ERBB4: variants seen among roughly 807,000 people sequenced by gnomAD.
ERBB4 encodes the protein receptor tyrosine-protein kinase erbB-4.
ERBB4 carries 42 observed loss-of-function variants against 158.0 expected under a neutral mutation model. That is an observed-to-expected ratio of 0.27 (90% CI 0.21 to 0.34). The LOEUF (loss-of-function observed/expected upper bound fraction) is 0.34, where lower values mean the gene tolerates loss of function less well. ERBB4 is among the 10% of genes least tolerant of loss of function. The pLI is 1.00. For missense variants in ERBB4, 1,333 were observed against 1,624.1 expected, an observed-to-expected ratio of 0.82 and a Z score of 3.08; for synonymous variants, 583 against 558.7, an observed-to-expected ratio of 1.04 and a Z score of -0.61.
At chr2:212,425,475 G>T (rs897962507) in intron 1 of ERBB4, among the ~76,000 whole-genome samples, 4 of 142,622 alleles carry the variant, frequency 2.8e-5, no homozygotes, top group Admixed American at 7.0e-5. Context: ...CAAAGTAATT[G>T]TATATTTCTC....
intron 1 of ERBB4, among the ~76,000 whole-genome samples, chr2:212,507,115 T>C (rs1414517502): frequency 1.3e-5 from 2 of 152,024 alleles, no homozygotes; most frequent in African/African-American, 4.8e-5. Context: ...CTGTGCTCTA[T>C]ATGGAACAAC....
At chr2:211,612,799 T>G (rs998901394) in intron 19 of ERBB4, among the ~76,000 whole-genome samples, 3 of 152,094 alleles carry the variant, frequency 2.0e-5, no homozygotes, top group Admixed American at 2.0e-4. Flanking sequence ...GGGCTGAGAT[T>G]AAGATGACGA....
chr2:211,788,225 A>G, intron 3 of ERBB4, 66 bp from the exon 4 acceptor site: 1 of 1,207,358 alleles, frequency 8.3e-7, no homozygotes, highest in Non-Finnish European at 1.2e-6. Flanking sequence ...GTAATCAACA[A>G]AAGTGATTTG....
At chr2:211,753,332 AC>A (rs2075192120) in intron 4 of ERBB4, among the ~76,000 whole-genome samples, 1 of 151,922 alleles carries the variant, frequency 6.6e-6, no homozygotes, top group African/African-American at 2.4e-5. Context: ...CCTTCCAACC[AC>A]GTATCCCTGA....
At chr2:212,219,203 T>A (rs368088093) in intron 1 of ERBB4, among the ~76,000 whole-genome samples, 1 of 151,382 alleles carries the variant, frequency 6.6e-6, no homozygotes, top group Non-Finnish European at 1.5e-5. Context: ...TTTAAAAAAT[T>A]GGTAAATGGT....
rs566043876 is a variant in ERBB4, at chr2:212,111,573, A to G, written c.234+13179T>C. Among the ~76,000 whole-genome samples the G allele has an allele frequency of 2.0e-5, 3 of 152,182 alleles. No individual in the cohort carries two copies. In the East Asian group the frequency reaches 5.8e-4, roughly 29 times the overall value. ...CCACATCTGTGAATAGAATTTTTAA[A>G]AAGGAGAGGATTTCCCAGGTGGAAA... On this transcript the variant is annotated intron_variant, in intron 2 of 27. Transcript: ENST00000342788.
At chr2:212,460,796 A>T (rs1409508692) in intron 1 of ERBB4, among the ~76,000 whole-genome samples, 2 of 152,238 alleles carry the variant, frequency 1.3e-5, no homozygotes, top group Non-Finnish European at 2.9e-5. Context: ...AGAAATTTCC[A>T]TAAGTAATGA....
At chr2:212,339,917 A>T (rs1353302964) in intron 1 of ERBB4, among the ~76,000 whole-genome samples, 1 of 152,186 alleles carries the variant, frequency 6.6e-6, no homozygotes, top group African/African-American at 2.4e-5. Context: ...CACAGTTACG[A>T]TATACATTTT....
At chr2:212,094,724 G>A (rs2078877738) in intron 2 of ERBB4, among the ~76,000 whole-genome samples, 1 of 152,116 alleles carries the variant, frequency 6.6e-6, no homozygotes, top group African/African-American at 2.4e-5. Flanking sequence ...CATGCTTCCT[G>A]TGCAGCCTGC....
intron 5 of ERBB4, among the ~76,000 whole-genome samples, chr2:211,732,493 G>T (rs373062735): frequency 2.0e-5 from 3 of 152,046 alleles, no homozygotes; most frequent in East Asian, 3.9e-4. Flanking sequence ...ATTCCTAATT[G>T]GTTTGGTGAT....
At chr2:211,640,097 T>G (rs2070518553) in intron 16 of ERBB4, among the ~76,000 whole-genome samples, 1 of 151,704 alleles carries the variant, frequency 6.6e-6, no homozygotes, top group African/African-American at 2.4e-5. Flanking sequence ...TATAAAGCAT[T>G]TTTGATTTTT....
At chr2:211,832,100 T>C (rs1575213054) in intron 3 of ERBB4, among the ~76,000 whole-genome samples, 1 of 152,152 alleles carries the variant, frequency 6.6e-6, no homozygotes, top group Admixed American at 6.6e-5. Flanking sequence ...GGTGAATAAA[T>C]ACCTGAATAT....
intron 1 of ERBB4, among the ~76,000 whole-genome samples, chr2:212,232,587 T>C (rs2105986803): frequency 6.6e-6 from 1 of 152,244 alleles, no homozygotes; most frequent in East Asian, 1.9e-4. Flanking sequence ...TTTTTATATT[T>C]TTAGTAGAGA....
At chr2:211,774,836 C>G (rs1369004736) in intron 4 of ERBB4, among the ~76,000 whole-genome samples, 1 of 152,052 alleles carries the variant, frequency 6.6e-6, no homozygotes, top group African/African-American at 2.4e-5. Context: ...TGGGTTATTC[C>G]GGTCTGATGT....
chr2:212,210,107 T>C (rs1438330383), intron 1 of ERBB4, among the ~76,000 whole-genome samples: 3 of 150,862 alleles, frequency 2.0e-5, no homozygotes, highest in Non-Finnish European at 4.4e-5. Context: ...AAATAACCTA[T>C]CATAACATCA....
intron 1 of ERBB4, among the ~76,000 whole-genome samples, chr2:212,229,299 TA>T (rs2105977476): frequency 1.3e-5 from 2 of 152,144 alleles, no homozygotes; most frequent in East Asian, 3.9e-4. Context: ...ATCATTCAAA[TA>T]AAAAACAAAA....
chr2:212,101,675 A>T (rs1378823933), intron 2 of ERBB4, among the ~76,000 whole-genome samples: 1 of 152,044 alleles, frequency 6.6e-6, no homozygotes, highest in African/African-American at 2.4e-5. Context: ...TTAAGTCAGA[A>T]ATTCCTTATA....
At chr2:211,624,912 G>A (rs560885748) in intron 17 of ERBB4, among the ~76,000 whole-genome samples, 1 of 152,086 alleles carries the variant, frequency 6.6e-6, no homozygotes, top group East Asian at 1.9e-4. Context: ...GTGAGAGTAC[G>A]GTGGGAAACC....
At chr2:211,392,839 T>C (rs919167072) in intron 25 of ERBB4, among the ~76,000 whole-genome samples, 1 of 152,054 alleles carries the variant, frequency 6.6e-6, no homozygotes, top group African/African-American at 2.4e-5. Flanking sequence ...GGCTAATTTT[T>C]AGAGACAGGG....
Sources: allele counts gnomAD v4.1 joint callset (sites outside exome capture counted in the v4.1 genomes callset), GRCh38; gene constraint gnomAD v4.1.1; transcripts MANE v1.5; gene names NCBI Gene and HGNC (gene_info 2026-07-23, HGNC 2026-07-21).